The following MTSS1 variants were observed in gnomAD, a reference collection of about 807,000 sequenced individuals.
The protein encoded by MTSS1 is MTSS I-BAR domain containing 1, also known as protein MTSS 1.
MTSS1 carries 18 observed loss-of-function variants against 79.0 expected under a neutral mutation model. That is an observed-to-expected ratio of 0.23 (90% CI 0.16 to 0.34). The LOEUF is 0.34. Among genes scored for constraint, MTSS1 ranks in the 10% least tolerant of loss-of-function variants. The probability of loss-of-function intolerance (pLI) is 1.00; values close to 1 mark genes in which losing one functional copy is unlikely to be tolerated. For missense variants in MTSS1, 815 were observed against 986.2 expected (o/e 0.83, Z 2.33); for synonymous variants, 341 against 368.6 (o/e 0.93, Z 0.86).
chr8:124,713,929 G>A (rs1485049493), intron 1 of MTSS1, among the ~76,000 whole-genome samples: 1 of 151,658 alleles, frequency 6.6e-6, no homozygotes, highest in Non-Finnish European at 1.5e-5. Flanking sequence ...TGTATTTTTA[G>A]TAGAGATGGG....
chr8:124,574,511 C>T (rs1828559183), intron 6 of MTSS1, among the ~76,000 whole-genome samples: 3 of 152,142 alleles, frequency 2.0e-5, no homozygotes, highest in African/African-American at 4.8e-5. Flanking sequence ...GTTCTGAAGA[C>T]GAGGTTCTTT....
intron 6 of MTSS1, among the ~76,000 whole-genome samples, chr8:124,572,331 A>G (rs1313209054): frequency 1.3e-5 from 2 of 152,112 alleles, no homozygotes; most frequent in East Asian, 1.9e-4. Flanking sequence ...TACAATGTTT[A>G]TTTATTAAAT....
At chr8:124,701,506 A>T (rs571225124) in intron 2 of MTSS1, among the ~76,000 whole-genome samples, 1 of 152,356 alleles carries the variant, frequency 6.6e-6, no homozygotes, top group East Asian at 1.9e-4. Flanking sequence ...AGTTGACATC[A>T]AACACAAACC....
chr8:124,709,946 A>G (rs745514163), intron 1 of MTSS1, among the ~76,000 whole-genome samples: 22 of 152,278 alleles, frequency 1.4e-4, no homozygotes, highest in Non-Finnish European at 2.8e-4. Flanking sequence ...CTACTCCCCA[A>G]CTTATCACAT....
At chr8:124,718,489 C>A (rs1832436465) in intron 1 of MTSS1, among the ~76,000 whole-genome samples, 1 of 152,094 alleles carries the variant, frequency 6.6e-6, no homozygotes, top group Admixed American at 6.5e-5. Flanking sequence ...GGTGCCTCAT[C>A]CAATTATTCA....
At chr8:124,612,574 A>G (rs575377473) in intron 3 of MTSS1, among the ~76,000 whole-genome samples, 108 of 99,576 alleles carry the variant, frequency 1.1e-3, no homozygotes, top group African/African-American at 3.7e-3. Context: ...CAAGTTTAAA[A>G]TGTGTGTGTG....
At chr8:124,589,960 G>A (rs776428594) in intron 4 of MTSS1, among the ~76,000 whole-genome samples, 24 of 152,090 alleles carry the variant, frequency 1.6e-4, no homozygotes, top group Admixed American at 5.2e-4. Context: ...AGGTTCAAGC[G>A]ATTCCCCTGC....
intron 3 of MTSS1, among the ~76,000 whole-genome samples, chr8:124,606,332 A>G (rs894250650): frequency 4.6e-5 from 7 of 151,916 alleles, no homozygotes; most frequent in African/African-American, 1.7e-4. Flanking sequence ...TATTTTTAGT[A>G]GAGACGGGGT....
rs771635761 is a variant in MTSS1 at position 124,556,167 on chromosome 8, GCCAGAATGTGATCC to G, written c.1404+51_1404+64del. ...GGCTGCCTTGGCCCCCCAGTTGCTG[GCCAGAATGTGATCC>G]CCAGCCAGGCTGAGGTGGCCCCAAC... is the stretch of plus-strand genomic sequence containing the variant. On this transcript the variant is annotated intron_variant, in intron 12 of 13. Coordinates refer to ENST00000518547, the MANE Select transcript of MTSS1 (RefSeq NM_014751.6). 9.8e-5 allele frequency: 158 copies of G among 1,608,876 alleles called. No homozygotes were observed. In the African/African-American group the frequency reaches 1.7e-3, roughly 18 times the overall value.
rs557410930 is a variant in MTSS1 at position 124,611,641 on chromosome 8, C to T, written c.209-20406G>A. Among the ~76,000 whole-genome samples, 3 of 152,328 alleles carry T rather than the reference C, an allele frequency of 2.0e-5. No individual in the cohort carries two copies. The East Asian group carries it at 5.8e-4, about 29-fold the overall frequency. On this transcript the variant is annotated intron_variant, in intron 3 of 13. Transcript: ENST00000518547. ...TACCATCGGCATCTTTCAGTAATCA[C>T]TCCGGGCTGACACAGTGAGACCTGG...
chr8:124,586,664 AG>A (rs1379811924), intron 5 of MTSS1, among the ~76,000 whole-genome samples: 1 of 152,194 alleles, frequency 6.6e-6, no homozygotes, highest in African/African-American at 2.4e-5. Context: ...GAAAAGATGA[AG>A]GAAGTGCTGT....
At chr8:124,652,794 C>CAAAAA (rs773654376) in intron 3 of MTSS1, among the ~76,000 whole-genome samples, 2 of 74,500 alleles carry the variant, frequency 2.7e-5, no homozygotes, top group African/African-American at 4.3e-5. Flanking sequence ...GACTCCGTCT[C>CAAAAA]AAAAAAAAAA....
At position 124,550,789 on chromosome 8, in the gene MTSS1, T is replaced by A. The variant is rs1258728175; in HGVS notation, c.*2203A>T. 2.0e-5 allele frequency: 3 copies of A among 152,662 alleles called. No individual in the cohort carries two copies. The highest frequency in any genetic ancestry group is 1.9e-4 in the East Asian group (1 of 5,202). 9.5% of individuals were successfully genotyped at this position (152,662 alleles called of 1,614,324 possible). On this transcript the variant is annotated 3_prime_UTR_variant, in exon 14 of 14. Coordinates refer to ENST00000518547, the MANE Select transcript of MTSS1 (RefSeq NM_014751.6). ...CAAGACTTGAAATACAGGACTTTTT[T>A]AATCTAGTGGTTCTTTATTTATAAC...
At chr8:124,664,555 T>C (rs533481693) in intron 3 of MTSS1, among the ~76,000 whole-genome samples, 1 of 152,294 alleles carries the variant, frequency 6.6e-6, no homozygotes, top group African/African-American at 2.4e-5. Flanking sequence ...AGGTTTTAAA[T>C]AGGCATATGA....
chr8:124,628,366 T>C (rs182219100), intron 3 of MTSS1, among the ~76,000 whole-genome samples: 196 of 152,212 alleles, frequency 1.3e-3, no homozygotes, highest in African/African-American at 4.2e-3. Flanking sequence ...CAATTATCTC[T>C]TCCAATTAAA....
intron 3 of MTSS1, among the ~76,000 whole-genome samples, chr8:124,680,909 G>A (rs1425159013): frequency 1.3e-5 from 2 of 152,048 alleles, no homozygotes; most frequent in Admixed American, 6.6e-5. Context: ...AGGATGGTTC[G>A]GCAAGGTCAC....
At chr8:124,656,885 G>C (rs1821063291) in intron 3 of MTSS1, among the ~76,000 whole-genome samples, 1 of 151,944 alleles carries the variant, frequency 6.6e-6, no homozygotes, top group Admixed American at 6.6e-5. Flanking sequence ...CATGGGGATA[G>C]AGGAAGCTGT....
At chr8:124,660,813 T>G (rs1337082333) in intron 3 of MTSS1, among the ~76,000 whole-genome samples, 1 of 152,152 alleles carries the variant, frequency 6.6e-6, no homozygotes, top group East Asian at 1.9e-4. Flanking sequence ...TCCTCCTGGG[T>G]GCCCTGTGAT....
At chr8:124,722,553 G>T (rs796225625) in intron 1 of MTSS1, among the ~76,000 whole-genome samples, 1 of 152,152 alleles carries the variant, frequency 6.6e-6, no homozygotes, top group South Asian at 2.1e-4. Context: ...CTCAGCAATC[G>T]TGACAATGGG....
Sources: allele counts gnomAD v4.1 joint callset (sites outside exome capture counted in the v4.1 genomes callset), GRCh38; gene constraint gnomAD v4.1.1; transcripts MANE v1.5; gene names NCBI Gene and HGNC (gene_info 2026-07-23, HGNC 2026-07-21).